The following BAZ2A variants were observed in gnomAD, a reference collection of about 807,000 sequenced individuals.
BAZ2A encodes the protein bromodomain adjacent to zinc finger domain 2A, also known as bromodomain adjacent to zinc finger domain protein 2A.
Under a neutral mutation model 199.9 loss-of-function variants are expected in BAZ2A, and 34 were observed. That is an observed-to-expected ratio of 0.17 (90% confidence interval 0.13 to 0.23). The LOEUF is 0.23. BAZ2A is among the 10% of genes least tolerant of loss of function. The pLI is 1.00. For synonymous variants in BAZ2A, 857 were observed against 883.9 expected (o/e 0.97, Z 0.54); for missense variants, 2,002 against 2,391.1 (o/e 0.84, Z 3.39).
rs746206967 is a variant in BAZ2A, at chr12:56,605,956, G to C, written c.2367C>G (p.Ala789=). 6.4e-7 allele frequency: 1 copy of C among 1,556,376 alleles called. No homozygotes were observed. Among genetic ancestry groups the C allele is most frequent in the South Asian group, 1.2e-5 (1 of 84,400 alleles). Residue 789 remains alanine (A), a synonymous_variant, in exon 13 of 29, where the codon GCC becomes GCG. Transcript: ENST00000549884. ...TCTTATCTGCTTTACAGGCTGGCTT[G>C]GCTTTGGTCACCTCCTCCTTTTCCT... is the stretch of plus-strand genomic sequence containing the variant. ...KMKEKEEVTK[A]KPACKADKTL... is the part of the protein sequence containing the mutation.
intron 1 of BAZ2A, among the ~76,000 whole-genome samples, chr12:56,620,423 C>A (rs1950880022): frequency 6.6e-6 from 1 of 152,048 alleles, no homozygotes; most frequent in Non-Finnish European, 1.5e-5. Flanking sequence ...ATTGTTTGAG[C>A]CTGGGAAGCA....
chr12:56,603,819 C>T, intron 16 of BAZ2A, 119 bp from the exon 17 acceptor site: 20 of 1,131,142 alleles, frequency 1.8e-5, no homozygotes, highest in Non-Finnish European at 2.5e-5. Context: ...TCGAGACCAG[C>T]CTGGCCAACA....
Position 56,613,154 on chromosome 12 carries a change from G to C in BAZ2A, c.996C>G (p.Ser332Arg). The C allele has an allele frequency of 6.2e-7, 1 of 1,613,996 alleles. No individual in the cohort carries two copies. The highest frequency in any genetic ancestry group is 1.1e-5 in the South Asian group (1 of 91,082). Reference protein sequence around the residue: ...GAEDKLPLEDSPVISALDCPS... With the variant: ...GAEDKLPLEDRPVISALDCPS... ...GGCAATCAAGGGCAGAAATCACAGG[G>C]CTGTCCTCAAGAGGCAGCTTGTCCT... The change falls in exon 5 of 29, where the codon AGC becomes AGG. Residue 332 changes from serine to arginine, a missense_variant. This residue lies in a region of BAZ2A where 641 missense variants were observed against 694.5 expected (regional missense o/e 0.92). Coordinates refer to ENST00000549884, the MANE Select transcript of BAZ2A (RefSeq NM_001300905.2).
At chr12:56,608,787 T>G (rs1174594309) in intron 10 of BAZ2A, among the ~76,000 whole-genome samples, 1 of 151,796 alleles carries the variant, frequency 6.6e-6, no homozygotes, top group African/African-American at 2.4e-5. Context: ...CAGGCTGGTC[T>G]TGAACTCCCG....
exon 1 of BAZ2A, chr12:56,636,301 G>A: frequency 2.0e-6 from 3 of 1,502,220 alleles, no homozygotes; most frequent in Non-Finnish European, 2.7e-6. Flanking sequence ...GAACTAGCAA[G>A]AATCAAAAAG....
intron 1 of BAZ2A, among the ~76,000 whole-genome samples, chr12:56,625,218 C>T (rs373094194): frequency 1.3e-4 from 19 of 147,216 alleles, no homozygotes; most frequent in African/African-American, 4.3e-4. Flanking sequence ...TGCAGTGGCA[C>T]GATCTCTGCT....
Position 56,599,369 on chromosome 12 carries a change from G to C in BAZ2A, c.5173-11C>G, listed in dbSNP as rs768889490. The C allele has an allele frequency of 1.9e-6, 3 of 1,608,282 alleles. No homozygotes were observed. The highest frequency in any genetic ancestry group is 1.7e-6 in the Non-Finnish European group (2 of 1,177,846). Reference sequence around the variant, plus strand: ...TTCTCCCTCCACCTGCTTAGTATAGGAAACAGGTGAGATTAGCAACAGCTG... The same window carrying C: ...TTCTCCCTCCACCTGCTTAGTATAGCAAACAGGTGAGATTAGCAACAGCTG... On this transcript the variant is annotated splice_polypyrimidine_tract_variant and intron_variant, in intron 26 of 28. Transcript: ENST00000549884.
chr12:56,625,861 G>A (rs1192758508), intron 1 of BAZ2A, among the ~76,000 whole-genome samples: 1 of 130,750 alleles, frequency 7.6e-6, no homozygotes, highest in African/African-American at 3.1e-5. Flanking sequence ...GGGCGACACA[G>A]CGAAACTCCG....
Position 56,601,191 on chromosome 12 carries a change from G to A in BAZ2A, c.4283C>T (p.Pro1428Leu), listed in dbSNP as rs1198741141. 6.2e-6 allele frequency: 10 copies of A among 1,614,078 alleles called. No homozygotes were observed. The highest frequency in any genetic ancestry group is 5.0e-5 in the Admixed American group (3 of 60,028). The change falls in exon 21 of 29, where the codon CCT becomes CTT. Residue 1428 changes from proline (P) to leucine (L), a missense_variant. Physicochemically the swap from Pro to Leu is moderately conservative, Grantham distance 98. Coordinates refer to ENST00000549884, the MANE Select transcript of BAZ2A (RefSeq NM_001300905.2). ...QRYLTQLTAQ[P>L]VPPEMCSGWW... ...CCAAGGTCACTCACCAGGTGGGACA[G>A]GCTGGGCTGTCAGCTGGGTTAGGTA...
upstream of BAZ2A, among the ~76,000 whole-genome samples, chr12:56,634,625 G>T (rs781612456): frequency 6.8e-4 from 104 of 152,236 alleles, 2 homozygotes; most frequent in Non-Finnish European, 9.3e-4. Flanking sequence ...GAAAGCGCTA[G>T]TTCAGAGGGG....
chr12:56,597,897 T>C lies in BAZ2A; in HGVS notation c.*721A>G, dbSNP rs1159077582. On this transcript the variant is annotated 3_prime_UTR_variant, in exon 29 of 29. Coordinates refer to ENST00000549884, the MANE Select transcript of BAZ2A (RefSeq NM_001300905.2). ...GGAGCATCCAACATCATACAGGGGA[T>C]AGCTATCGGCAGGAAGATGGGGACA... 2 of 152,614 alleles carry C rather than the reference T, an allele frequency of 1.3e-5. No individual in the cohort carries two copies. Among genetic ancestry groups the C allele is most frequent in the African/African-American group, 4.8e-5 (2 of 41,422 alleles). 9.5% of individuals were successfully genotyped at this position (152,614 alleles called of 1,614,324 possible). A position where few individuals can be genotyped will look rare whatever the true frequency, so the allele number is the denominator to read the frequency against.
chr12:56,604,099 T>C, intron 16 of BAZ2A, 118 bp downstream of exon 16: 1 of 933,880 alleles, frequency 1.1e-6, no homozygotes, highest in Non-Finnish European at 1.7e-6. Flanking sequence ...TGGGCCCTGG[T>C]AAGGTCCCAA....
rs902512236 is a variant in BAZ2A at position 56,600,939 on chromosome 12, T to G, written c.4450+4A>C. The G allele has an allele frequency of 1.9e-5, 30 of 1,613,628 alleles. No individual in the cohort carries two copies. Among genetic ancestry groups the G allele is most frequent in the Non-Finnish European group, 2.4e-5 (28 of 1,179,748 alleles). ...GCTCAAGCTGGGTGTAGGAATGTAT[T>G]TACCAGCTGAGGGCCGCAGGCAGAC... On this transcript the variant is annotated splice_donor_region_variant and intron_variant, in intron 22 of 28. Transcript: ENST00000549884.
intron 10 of BAZ2A, among the ~76,000 whole-genome samples, chr12:56,609,433 A>G (rs996290234): frequency 6.6e-6 from 1 of 152,224 alleles, no homozygotes; most frequent in East Asian, 1.9e-4. Flanking sequence ...CTGAACCAGT[A>G]TATGATAAGG....
chr12:56,632,282 A>G (rs1402388193), upstream of BAZ2A, among the ~76,000 whole-genome samples: 1 of 152,196 alleles, frequency 6.6e-6, no homozygotes, highest in African/African-American at 2.4e-5. Flanking sequence ...CAGGTGAAGA[A>G]AGGCATAAAA....
At chr12:56,632,891 G>A (rs1413966801), upstream of BAZ2A, among the ~76,000 whole-genome samples, 1 of 152,058 alleles carries the variant, frequency 6.6e-6, no homozygotes, top group Non-Finnish European at 1.5e-5. Flanking sequence ...CCATCCAGAC[G>A]AGAGAGGGCA....
rs1044889449 is a variant in BAZ2A at position 56,635,570 on chromosome 12, C to T, written c.4+612G>A. 6.6e-6 allele frequency among the ~76,000 whole-genome samples: 1 copy of T among 152,188 alleles called. No homozygotes were observed. Among genetic ancestry groups the T allele is most frequent in the Non-Finnish European group, 1.5e-5 (1 of 68,030 alleles). ...AATCCTGCGTCCCACTCAGTGCCCT[C>T]AGTGACTGTAGTGTGGGGGCCATCA... is the stretch of plus-strand genomic sequence containing the variant. On this transcript the variant is annotated intron_variant, in intron 1 of 29. Coordinates refer to the BAZ2A transcript ENST00000379441. The surrounding 1 kb of genome is among the most constrained non-coding windows in gnomAD (Gnocchi z 4.1).
At chr12:56,604,531 C>T (rs1950283659) in intron 15 of BAZ2A, 54 bp downstream of exon 15, 1 of 1,504,588 alleles carries the variant, frequency 6.6e-7, no homozygotes, top group Non-Finnish European at 9.0e-7. Context: ...ACAAGTCCTC[C>T]ACCCCATTCT....
rs1950289654 is a variant in BAZ2A at position 56,604,722 on chromosome 12, G to A, written c.2826C>T (p.Phe942=). Residue 942 remains phenylalanine, a synonymous_variant, in exon 15 of 29, where the codon TTC becomes TTT. Coordinates refer to ENST00000549884, the MANE Select transcript of BAZ2A (RefSeq NM_001300905.2). ...CTGGCTCTACTCCATATGCCATAAG[G>A]AAGCAGCGCAGGATCTCTGACACAT... ...RDNVSEILRC[F]LMAYGVEPAL... 2 of 1,613,908 alleles carry A rather than the reference G, an allele frequency of 1.2e-6. No homozygotes were observed. Among genetic ancestry groups the A allele is most frequent in the Non-Finnish European group, 1.7e-6 (2 of 1,179,864 alleles).
Sources: gnomAD v4.1 joint callset for allele counts (sites outside exome capture counted in the v4.1 genomes callset) on GRCh38, gnomAD v4.1.1 for gene constraint, gnomAD v4.1.1 regional missense constraint, Gnocchi (gnomAD v3.1) non-coding constraint, MANE v1.5 for transcripts, NCBI Gene and HGNC (gene_info 2026-07-23, HGNC 2026-07-21) for gene names.